Variants in AKT1 observed in about 807,000 individuals in gnomAD.
AKT1 encodes AKT serine/threonine kinase 1.
In AKT1, 21 loss-of-function variants were observed where a neutral mutation model predicts 63.1. The ratio of observed to expected loss-of-function variants is 0.33; its 90% CI spans 0.24 to 0.48. The LOEUF (loss-of-function observed/expected upper bound fraction) is 0.48. Ranked by LOEUF, AKT1 falls within the 20% of genes least tolerant of loss-of-function variation. The pLI, the probability that AKT1 is intolerant of heterozygous loss-of-function variation, is 0.99. For synonymous variants in AKT1, 257 were observed against 253.1 expected (o/e 1.02, Z -0.15); for missense variants, 382 against 666.0 (o/e 0.57, Z 4.69).
rs3730342 is a variant in AKT1, at chr14:104,775,630, C to G, written c.435+22G>C. On this transcript the variant is annotated intron_variant, in intron 6 of 14. Coordinates refer to ENST00000649815, the MANE Select transcript of AKT1 (RefSeq NM_001382430.1). ...AGTCCAAGGCAGCCCCAGGCACAGG[C>G]AGAAGTGGGGACAGGCCTCACCACG... The G allele has an allele frequency of 2.5e-6, 4 of 1,612,254 alleles. No homozygotes were observed. In the South Asian group the frequency reaches 4.4e-5, roughly 18 times the overall value.
intron 3 of AKT1, among the ~76,000 whole-genome samples, chr14:104,781,180 T>C (rs940491712): frequency 1.6e-4 from 25 of 152,276 alleles, no homozygotes; most frequent in African/African-American, 6.0e-4. Flanking sequence ...AGCAAGGAGT[T>C]TGAACAACAG....
chr14:104,783,065 C>G (rs1893146570), intron 3 of AKT1, among the ~76,000 whole-genome samples: 1 of 152,130 alleles, frequency 6.6e-6, no homozygotes, highest in Non-Finnish European at 1.5e-5. Flanking sequence ...ACCCGGGGCC[C>G]AGCATCACTG....
At chr14:104,785,363 G>A (rs1189244938) in intron 3 of AKT1, among the ~76,000 whole-genome samples, 1 of 152,196 alleles carries the variant, frequency 6.6e-6, no homozygotes, top group South Asian at 2.1e-4. Context: ...GCCACACAAC[G>A]GAGGCCAGCT....
chr14:104,774,071 TCGCCTGATACCACAC>T, intron 8 of AKT1, 91 bp from the exon 9 acceptor site: 2 of 1,262,984 alleles, frequency 1.6e-6, no homozygotes, highest in Non-Finnish European at 2.3e-6. Context: ...TGATACCACG[TCGCCTGATACCACAC>T]CGCCCGTAGC....
Position 104,770,084 on chromosome 14 carries a change from T to C in AKT1, c.*257A>G. 1.8e-6 allele frequency: 1 copy of C among 566,782 alleles called. No individual in the cohort carries two copies. Among genetic ancestry groups the C allele is most frequent in the Non-Finnish European group, 3.2e-6 (1 of 315,492 alleles). 35.1% of individuals were successfully genotyped at this position (566,782 alleles called of 1,614,324 possible). On this transcript the variant is annotated 3_prime_UTR_variant, in exon 15 of 15. Transcript: ENST00000649815. Reference sequence around the variant, plus strand: ...TAACATTTCCCTACGTGAATCGGATTGTTCTGAGGGCTGAGGCCACACCCG... The same window carrying C: ...TAACATTTCCCTACGTGAATCGGATCGTTCTGAGGGCTGAGGCCACACCCG...
rs1892518764 is a variant in AKT1 at position 104,773,487 on chromosome 14, A to C, written c.796T>G (p.Ser266Ala). The change falls in exon 10 of 15, where the codon TCG becomes GCG. Residue 266 changes from serine (S) to alanine (A), a missense_variant. Physicochemically the swap from Ser to Ala is moderately conservative, Grantham distance 99. Around this residue, in one of 3 missense-constraint regions of AKT1, gnomAD observed 226 missense variants for 366.4 expected, o/e 0.62. Transcript: ENST00000649815. ...EIVSALDYLH[S>A]EKNVVYRDLK... ...TCCCGGTACACCACGTTCTTCTCCG[A>C]GTGCAGGTAGTCCAGGGCTGACACA... 1 of 1,613,888 alleles carries C rather than the reference A, an allele frequency of 6.2e-7. No individual in the cohort carries two copies. Among genetic ancestry groups the C allele is most frequent in the Non-Finnish European group, 8.5e-7 (1 of 1,179,878 alleles).
At chr14:104,780,526 C>T (rs1251119107) in intron 3 of AKT1, among the ~76,000 whole-genome samples, 3 of 152,310 alleles carry the variant, frequency 2.0e-5, no homozygotes. Context: ...GAGGTCTGGG[C>T]CAGTCTGCAC....
At chr14:104,770,705 G>T in intron 14 of AKT1, 40 bp downstream of exon 14, 1 of 1,556,514 alleles carries the variant, frequency 6.4e-7, no homozygotes, top group Non-Finnish European at 8.9e-7. Flanking sequence ...TGAGTGTGGA[G>T]AGAAAAGGGA....
chr14:104,792,481 C>G, intron 3 of AKT1, 117 bp downstream of exon 3: 1 of 1,230,948 alleles, frequency 8.1e-7, no homozygotes, highest in Non-Finnish European at 1.2e-6. Context: ...TAGGCCAGCC[C>G]AGGAGCCCCA....
intron 3 of AKT1, among the ~76,000 whole-genome samples, chr14:104,783,717 G>A (rs1274196709): frequency 6.6e-6 from 1 of 152,062 alleles, no homozygotes; most frequent in South Asian, 2.1e-4. Flanking sequence ...AATGGAGACC[G>A]CCCAGCATTC....
At position 104,792,638 on chromosome 14, in the gene AKT1, G is replaced by A. The variant is rs371534192; in HGVS notation, c.6C>T (p.Ser2=). M[S]DVAIVKEGWL... ...AACCCTCCTTCACAATAGCCACGTC[G>A]CTCATGGTGCCCGAGGCTCCCGCGA... Residue 2 remains serine, a synonymous_variant, in exon 3 of 15, where the codon AGC becomes AGT. Coordinates refer to ENST00000649815, the MANE Select transcript of AKT1 (RefSeq NM_001382430.1). 1.1e-5 allele frequency: 17 copies of A among 1,610,824 alleles called. No individual in the cohort carries two copies. In the African/African-American group the frequency reaches 1.1e-4, roughly 10 times the overall value.
At chr14:104,772,672 G>C (rs1892459054) in intron 12 of AKT1, among the ~76,000 whole-genome samples, 1 of 152,216 alleles carries the variant, frequency 6.6e-6, no homozygotes, top group Non-Finnish European at 1.5e-5. Context: ...CAGGCTGCAG[G>C]GTTGGGGACA....
intron 5 of AKT1, 54 bp from the exon 6 acceptor site, chr14:104,775,853 C>G: frequency 6.3e-7 from 1 of 1,575,968 alleles, no homozygotes. Context: ...AGCTCCACCC[C>G]ACGTCTTTCA....
In AKT1 at chr14:104,795,351, C is replaced by A. The variant is rs1340545784; in HGVS notation, c.-258+133G>T. On this transcript the variant is annotated intron_variant, in intron 1 of 14. Transcript: ENST00000649815. The surrounding 1 kb of genome is among the most constrained non-coding windows in gnomAD (Gnocchi z 5.1). The stretch of plus-strand genomic sequence containing the variant: ...GCCCTCCCCGCCCAGGCCCGCTCGG[C>A]CACTTCCTGCTCCCGCTCCTCCATT... The A allele has an allele frequency of 6.7e-6, 1 of 149,652 alleles. No individual in the cohort carries two copies. Among genetic ancestry groups the A allele is most frequent in the East Asian group, 1.9e-4 (1 of 5,156 alleles). 9.3% of individuals were successfully genotyped at this position (149,652 alleles called of 1,614,324 possible).
At chr14:104,782,505 T>C (rs1893111486) in intron 3 of AKT1, among the ~76,000 whole-genome samples, 1 of 152,146 alleles carries the variant, frequency 6.6e-6, no homozygotes, top group Non-Finnish European at 1.5e-5. Context: ...TGGGGGGTTC[T>C]GGGAGCTGGA....
intron 3 of AKT1, among the ~76,000 whole-genome samples, chr14:104,790,659 G>A (rs1893582832): frequency 6.6e-6 from 1 of 152,192 alleles, no homozygotes; most frequent in Non-Finnish European, 1.5e-5. Flanking sequence ...TCATATCCAC[G>A]CCACCTCCCA....
chr14:104,782,551 G>A (rs541526690), intron 3 of AKT1, among the ~76,000 whole-genome samples: 60 of 152,218 alleles, frequency 3.9e-4, no homozygotes, highest in African/African-American at 1.3e-3. Flanking sequence ...CAGGGGCGGC[G>A]CTTACCAGGC....
chr14:104,774,879 C>A, intron 8 of AKT1, 59 bp downstream of exon 8: 1 of 1,551,798 alleles, frequency 6.4e-7, no homozygotes, highest in South Asian at 1.2e-5. Context: ...CCCCTAGAGA[C>A]AGCCCCAGGA....
At position 104,775,895 on chromosome 14, in the gene AKT1, C is replaced by T. The variant is rs1892674998; in HGVS notation, c.288-96G>A. The T allele has an allele frequency of 2.1e-6, 3 of 1,462,560 alleles. No homozygotes were observed. In the South Asian group the frequency reaches 4.0e-5, roughly 19 times the overall value. 90.6% of individuals were successfully genotyped at this position (1,462,560 alleles called of 1,614,324 possible). A position where few individuals can be genotyped will look rare whatever the true frequency, so the allele number is the denominator to read the frequency against. The stretch of plus-strand genomic sequence containing the variant: ...CGCCAGCCTCACAAGCGTGGTTCCA[C>T]AGCTGTCGGGGTTCCCAGAGACAGC... On this transcript the variant is annotated intron_variant, in intron 5 of 14. Coordinates refer to ENST00000649815, the MANE Select transcript of AKT1 (RefSeq NM_001382430.1).
Sources: gnomAD v4.1 joint callset for allele counts (sites outside exome capture counted in the v4.1 genomes callset) on GRCh38, gnomAD v4.1.1 for gene constraint, gnomAD v4.1.1 regional missense constraint, Gnocchi (gnomAD v3.1) non-coding constraint, MANE v1.5 for transcripts, NCBI Gene and HGNC (gene_info 2026-07-23, HGNC 2026-07-21) for gene names.